Variants in CTNNA3 observed in about 807,000 individuals in gnomAD.
CTNNA3 encodes catenin alpha 3, also known as catenin alpha-3.
CTNNA3 carries 76 observed loss-of-function variants against 95.7 expected under a neutral mutation model. The observed-to-expected ratio is 0.79, with a 90% CI of 0.66 to 0.96. CTNNA3 has a LOEUF of 0.96. Among genes scored for constraint, CTNNA3 ranks in the 40% least tolerant of loss-of-function variants. The pLI is 0.00. For missense variants in CTNNA3, 1,191 were observed against 1,089.8 expected, an observed-to-expected ratio of 1.09 and a Z score of -1.31; for synonymous variants, 431 against 374.4, an observed-to-expected ratio of 1.15 and a Z score of -1.74.
chr10:65,923,496 G>A lies in CTNNA3; in HGVS notation c.2401-2879C>T, dbSNP rs1203361478. ...GATTTTTAAAAGAACGGTTGGCATT[G>A]AGAGCATTCTCCCTTTTCAGATGCA... On this transcript the variant is annotated intron_variant, in intron 17 of 17. Coordinates refer to ENST00000433211, the MANE Select transcript of CTNNA3 (RefSeq NM_013266.4). Among the ~76,000 whole-genome samples the A allele has an allele frequency of 2.0e-5, 3 of 152,314 alleles. No homozygotes were observed. In the East Asian group the frequency reaches 5.8e-4, roughly 29 times the overall value.
chr10:65,997,299 G>A (rs2078683135), intron 15 of CTNNA3, among the ~76,000 whole-genome samples: 1 of 152,096 alleles, frequency 6.6e-6, no homozygotes, highest in Non-Finnish European at 1.5e-5. Flanking sequence ...TAGGCCTGAG[G>A]ACAATTAATA....
intron 10 of CTNNA3, among the ~76,000 whole-genome samples, chr10:66,567,649 G>C (rs1294811362): frequency 6.6e-6 from 1 of 152,036 alleles, no homozygotes; most frequent in African/African-American, 2.4e-5. Context: ...ATAAACGAGA[G>C]AGAGAGGAAA....
intron 13 of CTNNA3, among the ~76,000 whole-genome samples, chr10:66,143,725 C>T (rs1363437345): frequency 2.6e-5 from 4 of 152,126 alleles, no homozygotes; most frequent in African/African-American, 9.7e-5. Context: ...AATTAAACTA[C>T]CAAAGTAATA....
At chr10:67,096,761 T>C (rs1858018041) in intron 7 of CTNNA3, among the ~76,000 whole-genome samples, 1 of 151,860 alleles carries the variant, frequency 6.6e-6, no homozygotes, top group South Asian at 2.1e-4. Context: ...TTTCTTTAGT[T>C]GGCAAGGGAG....
At chr10:67,745,567 G>A (rs542440660) in intron 1 of CTNNA3, among the ~76,000 whole-genome samples, 10 of 151,156 alleles carry the variant, frequency 6.6e-5, no homozygotes, top group South Asian at 2.1e-4. Flanking sequence ...GCTAAATGAC[G>A]AGTTAATGGG....
intron 13 of CTNNA3, among the ~76,000 whole-genome samples, chr10:66,189,352 T>A (rs974088023): frequency 5.3e-5 from 8 of 151,314 alleles, no homozygotes; most frequent in African/African-American, 1.5e-4. Flanking sequence ...CAGTTTCAGG[T>A]CTTATGTTTG....
chr10:67,331,433 T>C (rs1368795055), intron 5 of CTNNA3, among the ~76,000 whole-genome samples: 1 of 152,138 alleles, frequency 6.6e-6, no homozygotes, highest in Non-Finnish European at 1.5e-5. Context: ...TTTAAGGCTA[T>C]TTAGAAGCAT....
chr10:65,975,907 G>T (rs950560854), intron 16 of CTNNA3, among the ~76,000 whole-genome samples: 1 of 151,936 alleles, frequency 6.6e-6, no homozygotes, highest in African/African-American at 2.4e-5. Context: ...CTTAAGTATG[G>T]ACACAATGAT....
intron 7 of CTNNA3, among the ~76,000 whole-genome samples, chr10:67,123,631 C>T (rs532851556): frequency 6.6e-6 from 1 of 152,252 alleles, no homozygotes; most frequent in South Asian, 2.1e-4. Flanking sequence ...AAGTAACAAC[C>T]TTGGAGCATT....
At chr10:67,572,405 G>C (rs1390328063) in intron 3 of CTNNA3, among the ~76,000 whole-genome samples, 3 of 152,054 alleles carry the variant, frequency 2.0e-5, no homozygotes, top group Non-Finnish European at 4.4e-5. Flanking sequence ...TGTGTCCCAG[G>C]GTCAGCCAGT....
intron 5 of CTNNA3, among the ~76,000 whole-genome samples, chr10:67,492,000 T>A (rs1564689747): frequency 6.6e-6 from 1 of 152,076 alleles, no homozygotes; most frequent in African/African-American, 2.4e-5. Flanking sequence ...GATAAAATCT[T>A]GAATTGAAGA....
intron 9 of CTNNA3, among the ~76,000 whole-genome samples, chr10:66,734,208 C>T (rs534659484): frequency 2.8e-4 from 43 of 151,994 alleles, no homozygotes; most frequent in African/African-American, 9.4e-4. Flanking sequence ...TTTTATTACT[C>T]ATTCCAAAAA....
At chr10:66,830,098 C>G (rs970882955) in intron 7 of CTNNA3, among the ~76,000 whole-genome samples, 1 of 152,126 alleles carries the variant, frequency 6.6e-6, no homozygotes, top group African/African-American at 2.4e-5. Context: ...AACCTCATGT[C>G]TCACCACTAA....
intron 13 of CTNNA3, among the ~76,000 whole-genome samples, chr10:66,110,213 T>C (rs950444083): frequency 6.6e-6 from 1 of 151,730 alleles, no homozygotes; most frequent in African/African-American, 2.4e-5. Flanking sequence ...ATACAAAAAA[T>C]TAGACGGGTG....
intron 13 of CTNNA3, among the ~76,000 whole-genome samples, chr10:66,143,934 C>A (rs774442326): frequency 6.6e-6 from 1 of 152,168 alleles, no homozygotes; most frequent in Non-Finnish European, 1.5e-5. Flanking sequence ...AGGATGGCTG[C>A]TTTATTAATA....
At chr10:66,219,606 TA>T (rs2088792013) in intron 13 of CTNNA3, among the ~76,000 whole-genome samples, 2 of 142,500 alleles carry the variant, frequency 1.4e-5, no homozygotes, top group South Asian at 2.5e-4. Context: ...GTCAGATCCC[TA>T]GTCCCAATTA....
chr10:65,919,189 G>A lies in CTNNA3; in HGVS notation c.*1141C>T, dbSNP rs1230994703. 2 of 152,000 alleles carry A rather than the reference G, an allele frequency of 1.3e-5. No homozygotes were observed. Among genetic ancestry groups the A allele is most frequent in the Non-Finnish European group, 2.9e-5 (2 of 67,974 alleles). 9.4% of individuals were successfully genotyped at this position (152,000 alleles called of 1,614,324 possible). A position where few individuals can be genotyped will look rare whatever the true frequency, so the allele number is the denominator to read the frequency against. On this transcript the variant is annotated 3_prime_UTR_variant, in exon 18 of 18. Coordinates refer to ENST00000433211, the MANE Select transcript of CTNNA3 (RefSeq NM_013266.4). Reference sequence around the variant, plus strand: ...AAAGAGAGAGAGAATGACAGAGAGAGGTACACTAGACTCTAAGACTATTAT... The same window carrying A: ...AAAGAGAGAGAGAATGACAGAGAGAAGTACACTAGACTCTAAGACTATTAT...
chr10:66,899,545 G>A (rs1011041138), intron 7 of CTNNA3, among the ~76,000 whole-genome samples: 2 of 152,122 alleles, frequency 1.3e-5, no homozygotes, highest in African/African-American at 2.4e-5. Flanking sequence ...AGTAGGGCGG[G>A]GCATTGCCTC....
chr10:66,711,817 G>A (rs1415791853), intron 9 of CTNNA3, among the ~76,000 whole-genome samples: 6 of 151,980 alleles, frequency 3.9e-5, no homozygotes, highest in South Asian at 2.1e-4. Flanking sequence ...TGATCTGCTC[G>A]TCTCGGCCTC....
Sources: gnomAD v4.1 joint callset for allele counts (sites outside exome capture counted in the v4.1 genomes callset) on GRCh38, gnomAD v4.1.1 for gene constraint, MANE v1.5 for transcripts, NCBI Gene and HGNC (gene_info 2026-07-23, HGNC 2026-07-21) for gene names.